KCNQ5: variants seen among roughly 807,000 people sequenced by gnomAD.
The protein encoded by KCNQ5 is potassium voltage-gated channel subfamily KQT member 5.
Under a neutral mutation model 98.2 loss-of-function variants are expected in KCNQ5, and 30 were observed. That is an observed-to-expected ratio of 0.31 (90% confidence interval 0.23 to 0.41). KCNQ5 has a LOEUF of 0.41. Among genes scored for constraint, KCNQ5 ranks in the 10% least tolerant of loss-of-function variants. The probability of loss-of-function intolerance (pLI) is 1.00; values close to 1 mark genes in which losing one functional copy is unlikely to be tolerated. For synonymous variants in KCNQ5, 458 were observed against 449.4 expected (o/e 1.02, Z -0.24); for missense variants, 835 against 1,182.5 (o/e 0.71, Z 4.31).
chr6:72,844,095 C>G (rs777005742), intron 1 of KCNQ5, among the ~76,000 whole-genome samples: 10 of 152,042 alleles, frequency 6.6e-5, no homozygotes, highest in African/African-American at 2.4e-4. Context: ...CCACGGCACA[C>G]GTATACCTAT....
intron 10 of KCNQ5, among the ~76,000 whole-genome samples, chr6:73,142,523 C>T (rs1321437442): frequency 1.3e-5 from 2 of 151,710 alleles, no homozygotes; most frequent in Non-Finnish European, 2.9e-5. Flanking sequence ...ATCCTGGCCT[C>T]AACCTATAGC....
chr6:73,121,824 T>G (rs781360398), intron 8 of KCNQ5, among the ~76,000 whole-genome samples: 2 of 152,202 alleles, frequency 1.3e-5, no homozygotes, highest in African/African-American at 2.4e-5. Context: ...TGGCCTCAGT[T>G]TTCCCACCCA....
At chr6:72,965,601 T>G (rs1234464518) in intron 1 of KCNQ5, among the ~76,000 whole-genome samples, 1 of 152,238 alleles carries the variant, frequency 6.6e-6, no homozygotes, top group African/African-American at 2.4e-5. Context: ...CAGATGTTCT[T>G]ATTGTTTTCC....
chr6:72,652,751 G>A (rs1389515614), intron 1 of KCNQ5, among the ~76,000 whole-genome samples: 1 of 152,000 alleles, frequency 6.6e-6, no homozygotes, highest in East Asian at 1.9e-4. Flanking sequence ...CCTGAGGAGA[G>A]GCACTGTGCT....
At chr6:72,867,050 T>C (rs1778017891) in intron 1 of KCNQ5, among the ~76,000 whole-genome samples, 1 of 152,222 alleles carries the variant, frequency 6.6e-6, no homozygotes, top group Non-Finnish European at 1.5e-5. Flanking sequence ...TTTGAGAGGC[T>C]CACCTATTAG....
chr6:72,623,070 G>A (rs1289994946), intron 1 of KCNQ5, among the ~76,000 whole-genome samples: 1 of 152,056 alleles, frequency 6.6e-6, no homozygotes, highest in African/African-American at 2.4e-5. Context: ...TCCTAGGGGC[G>A]GAGTAGGGGA....
At chr6:73,004,550 A>G (rs1037889539) in intron 2 of KCNQ5, among the ~76,000 whole-genome samples, 3 of 152,222 alleles carry the variant, frequency 2.0e-5, no homozygotes, top group Admixed American at 2.0e-4. Flanking sequence ...TGTTTCCATT[A>G]TGCTGTCAAT....
chr6:73,103,295 C>T (rs970817858), intron 5 of KCNQ5, among the ~76,000 whole-genome samples: 2 of 152,168 alleles, frequency 1.3e-5, no homozygotes, highest in African/African-American at 2.4e-5. Flanking sequence ...CCATGGAATA[C>T]TATGCAGCCA....
intron 1 of KCNQ5, among the ~76,000 whole-genome samples, chr6:72,869,440 C>G (rs1778119038): frequency 6.6e-6 from 1 of 152,198 alleles, no homozygotes; most frequent in African/African-American, 2.4e-5. Flanking sequence ...TAGGTATGTT[C>G]TAACCCTTAC....
chr6:73,129,879 A>C (rs1163337283), intron 9 of KCNQ5: 1 of 1,591,462 alleles, frequency 6.3e-7, no homozygotes. Context: ...TTGACATGAG[A>C]TTTGAGAATG....
intron 1 of KCNQ5, among the ~76,000 whole-genome samples, chr6:72,738,374 T>A (rs1057370741): frequency 1.3e-5 from 2 of 152,048 alleles, no homozygotes; most frequent in Non-Finnish European, 2.9e-5. Context: ...GATATTCTGG[T>A]GTGTAAAAAA....
intron 1 of KCNQ5, among the ~76,000 whole-genome samples, chr6:72,758,622 C>T (rs1399340701): frequency 6.6e-6 from 1 of 151,980 alleles, no homozygotes; most frequent in East Asian, 1.9e-4. Flanking sequence ...TCTCAGCTGC[C>T]AACTAGGAAA....
chr6:73,092,183 C>T (rs957462227), intron 5 of KCNQ5, among the ~76,000 whole-genome samples: 8 of 151,360 alleles, frequency 5.3e-5, no homozygotes, highest in Non-Finnish European at 1.0e-4. Context: ...TCAGCTTGGT[C>T]GCTGTTGGTG....
At chr6:73,107,393 T>C (rs965498468) in intron 6 of KCNQ5, among the ~76,000 whole-genome samples, 1 of 152,130 alleles carries the variant, frequency 6.6e-6, no homozygotes, top group African/African-American at 2.4e-5. Context: ...AGGAAGATGA[T>C]AGAACAAACA....
intron 1 of KCNQ5, among the ~76,000 whole-genome samples, chr6:72,937,828 T>G (rs772315079): frequency 2.0e-5 from 3 of 152,202 alleles, no homozygotes; most frequent in Non-Finnish European, 4.4e-5. Flanking sequence ...GAGTTTTTAT[T>G]TAAGTTCTAC....
At chr6:72,902,504 G>A (rs147290945) in intron 1 of KCNQ5, among the ~76,000 whole-genome samples, 11 of 152,212 alleles carry the variant, frequency 7.2e-5, no homozygotes, top group African/African-American at 2.6e-4. Context: ...TTATTAAATT[G>A]AAGTATGTCC....
At chr6:73,070,643 C>T (rs1417289520) in intron 3 of KCNQ5, among the ~76,000 whole-genome samples, 1 of 152,176 alleles carries the variant, frequency 6.6e-6, no homozygotes, top group Non-Finnish European at 1.5e-5. Context: ...TTTCTAAGGG[C>T]ATTCTTAGTA....
At chr6:73,137,526 T>C (rs185061250) in intron 10 of KCNQ5, among the ~76,000 whole-genome samples, 54 of 152,354 alleles carry the variant, frequency 3.5e-4, no homozygotes, top group African/African-American at 1.2e-3. Flanking sequence ...CACATAATTT[T>C]AGAAATTAGG....
intron 1 of KCNQ5, among the ~76,000 whole-genome samples, chr6:72,820,542 G>A (rs1775705068): frequency 1.3e-5 from 2 of 151,668 alleles, no homozygotes; most frequent in Admixed American, 1.3e-4. Context: ...ATTCCAAAAA[G>A]TAGGTGTGTT....
Sources: gnomAD v4.1 joint callset for allele counts (sites outside exome capture counted in the v4.1 genomes callset) on GRCh38, gnomAD v4.1.1 for gene constraint, MANE v1.5 for transcripts, NCBI Gene and HGNC (gene_info 2026-07-23, HGNC 2026-07-21) for gene names.